Variants in RANBP2 observed in about 807,000 individuals in gnomAD.
RANBP2 encodes RAN binding protein 2.
RANBP2 carries 57 observed loss-of-function variants against 303.6 expected under a neutral mutation model. That is an observed-to-expected ratio of 0.19 (90% CI 0.15 to 0.23). The LOEUF (loss-of-function observed/expected upper bound fraction) is 0.23. Among genes scored for constraint, RANBP2 ranks in the 10% least tolerant of loss-of-function variants. The pLI is 1.00. For missense variants in RANBP2, 3,138 were observed against 3,780.8 expected (o/e 0.83, Z 4.46); for synonymous variants, 1,167 against 1,301.5 (o/e 0.90, Z 2.23).
At chr2:109,501,370 G>A in the RANBP2 span, 1 of 519,906 alleles carries the variant, frequency 1.9e-6, no homozygotes, top group East Asian at 2.9e-5. Context: ...TAAAAATAAA[G>A]ATAAATAGAA....
At chr2:109,382,969 A>G in the RANBP2 span, among the ~76,000 whole-genome samples, 38 of 152,322 alleles carry the variant, frequency 2.5e-4, no homozygotes, top group South Asian at 4.1e-3. Flanking sequence ...GAGTGTTCCA[A>G]TCACAACACT....
chr2:109,216,706 G>C, the RANBP2 span, among the ~76,000 whole-genome samples: 2 of 152,172 alleles, frequency 1.3e-5, no homozygotes, highest in African/African-American at 4.8e-5. Context: ...GAAACTGTGG[G>C]GTCACATGCT....
chr2:109,722,530 T>C, the RANBP2 span, among the ~76,000 whole-genome samples: 1 of 152,236 alleles, frequency 6.6e-6, no homozygotes, highest in Non-Finnish European at 1.5e-5. Context: ...TGCAGGTTTG[T>C]TACATAGATA....
the RANBP2 span, among the ~76,000 whole-genome samples, chr2:109,610,262 G>T: frequency 6.6e-6 from 1 of 152,058 alleles, no homozygotes; most frequent in African/African-American, 2.4e-5. Flanking sequence ...CTAATTTCCT[G>T]TATTTTTAGC....
intron 1 of RANBP2, 99 bp downstream of exon 1, chr2:108,719,777 G>T: frequency 6.5e-7 from 1 of 1,528,198 alleles, no homozygotes; most frequent in Non-Finnish European, 8.8e-7. Context: ...GCTCCCTGGC[G>T]CGCTCTGTTG....
At chr2:109,594,279 A>C in the RANBP2 span, among the ~76,000 whole-genome samples, 1 of 152,196 alleles carries the variant, frequency 6.6e-6, no homozygotes, top group African/African-American at 2.4e-5. Flanking sequence ...GGTAAAAAAA[A>C]AATTGCAAAT....
At chr2:108,742,178 T>A (rs1293758089) in intron 7 of RANBP2, among the ~76,000 whole-genome samples, 1 of 151,874 alleles carries the variant, frequency 6.6e-6, no homozygotes, top group Non-Finnish European at 1.5e-5. Context: ...GTATTTTTAG[T>A]AGAGACGGGG....
At chr2:109,560,990 T>G in the RANBP2 span, among the ~76,000 whole-genome samples, 1 of 152,168 alleles carries the variant, frequency 6.6e-6, no homozygotes, top group African/African-American at 2.4e-5. Flanking sequence ...GAACACCCCT[T>G]CAATACCTCC....
At chr2:108,930,259 G>C in the RANBP2 span, 11 of 1,613,934 alleles carry the variant, frequency 6.8e-6, no homozygotes, top group Non-Finnish European at 7.6e-6. Flanking sequence ...ACAAAGGGGG[G>C]TGTTGTGGCC....
At chr2:109,157,816 A>G in the RANBP2 span, among the ~76,000 whole-genome samples, 11 of 152,218 alleles carry the variant, frequency 7.2e-5, no homozygotes, top group African/African-American at 2.6e-4. Context: ...AGGATTGAGG[A>G]TTGTATGGGA....
the RANBP2 span, among the ~76,000 whole-genome samples, chr2:109,530,233 G>T: frequency 1.3e-5 from 2 of 152,192 alleles, no homozygotes; most frequent in African/African-American, 4.8e-5. Flanking sequence ...GGCCCAGGGA[G>T]GCGAGCTGAG....
At chr2:109,312,487 A>G in the RANBP2 span, among the ~76,000 whole-genome samples, 11 of 152,012 alleles carry the variant, frequency 7.2e-5, no homozygotes, top group African/African-American at 2.7e-4. Context: ...GGAAGTTTTC[A>G]TCTCCCCAAA....
At chr2:109,439,217 C>G in the RANBP2 span, among the ~76,000 whole-genome samples, 1 of 152,140 alleles carries the variant, frequency 6.6e-6, no homozygotes, top group Non-Finnish European at 1.5e-5. Context: ...GAGGGTGCCA[C>G]GAGCATTCTC....
At chr2:109,748,914 TAGCTTA>T in the RANBP2 span, among the ~76,000 whole-genome samples, 1 of 38,074 alleles carries the variant, frequency 2.6e-5, no homozygotes, top group Non-Finnish European at 7.6e-5. Context: ...AAATAAAGAC[TAGCTTA>T]AAATAAACAT....
the RANBP2 span, among the ~76,000 whole-genome samples, chr2:109,041,517 G>A: frequency 4.9e-3 from 634 of 130,100 alleles, 5 homozygotes; most frequent in Admixed American, 0.013. Flanking sequence ...TATAATTAAC[G>A]GATGTTAATT....
the RANBP2 span, among the ~76,000 whole-genome samples, chr2:109,148,100 C>T: frequency 3.9e-5 from 6 of 152,218 alleles, no homozygotes; most frequent in African/African-American, 7.2e-5. Flanking sequence ...GGCTGCCAGC[C>T]GGGTCCTACA....
the RANBP2 span, among the ~76,000 whole-genome samples, chr2:109,295,265 G>A: frequency 1.8e-4 from 28 of 152,346 alleles, no homozygotes; most frequent in African/African-American, 6.5e-4. Flanking sequence ...TGGGCCTGCG[G>A]TGGCTCCAGG....
chr2:108,725,696 A>G (rs2149081273), intron 1 of RANBP2, among the ~76,000 whole-genome samples: 1 of 152,168 alleles, frequency 6.6e-6, no homozygotes, highest in Non-Finnish European at 1.5e-5. Flanking sequence ...GAGCCACTGC[A>G]CTGCAGCCTG....
chr2:109,188,041 G>T, the RANBP2 span, among the ~76,000 whole-genome samples: 7 of 152,196 alleles, frequency 4.6e-5, no homozygotes, highest in Non-Finnish European at 2.9e-5. Flanking sequence ...AGTCTGCACC[G>T]GCTTGCAGCC....
Sources: gnomAD v4.1 joint callset for allele counts (sites outside exome capture counted in the v4.1 genomes callset) on GRCh38, gnomAD v4.1.1 for gene constraint, MANE v1.5 for transcripts, NCBI Gene and HGNC (gene_info 2026-07-23, HGNC 2026-07-21) for gene names.